STX8: variants seen among roughly 807,000 people sequenced by gnomAD.
STX8 encodes the protein syntaxin 8, also known as syntaxin-8.
In STX8, 23 loss-of-function variants were observed where a neutral mutation model predicts 37.5. The observed-to-expected ratio is 0.61, with a 90% CI of 0.44 to 0.87. The LOEUF (loss-of-function observed/expected upper bound fraction) is 0.87. Ranked by LOEUF, STX8 falls within the 40% of genes least tolerant of loss-of-function variation. The pLI is 0.00. For missense variants in STX8, 313 were observed against 284.7 expected (o/e 1.10, Z -0.71); for synonymous variants, 115 against 99.1 (o/e 1.16, Z -0.95).
At chr17:9,486,681 C>G (rs573100880) in intron 6 of STX8, among the ~76,000 whole-genome samples, 1 of 151,940 alleles carries the variant, frequency 6.6e-6, no homozygotes, top group South Asian at 2.1e-4. Flanking sequence ...GGCGACCGGA[C>G]CCCCATCTCT....
intron 7 of STX8, among the ~76,000 whole-genome samples, chr17:9,331,940 A>G (rs1036107271): frequency 2.0e-5 from 3 of 152,232 alleles, no homozygotes; most frequent in African/African-American, 7.2e-5. Flanking sequence ...ACGGATCTGT[A>G]GAATACATTA....
intron 4 of STX8, among the ~76,000 whole-genome samples, chr17:9,518,139 T>C (rs181890015): frequency 1.9e-3 from 292 of 152,208 alleles, no homozygotes; most frequent in African/African-American, 6.7e-3. Flanking sequence ...TCTCTCCTAT[T>C]TGCAGCCAAA....
intron 6 of STX8, among the ~76,000 whole-genome samples, chr17:9,424,706 T>C (rs1913562888): frequency 1.3e-5 from 2 of 152,152 alleles, no homozygotes; most frequent in East Asian, 1.9e-4. Context: ...CACTGGGGTA[T>C]GGTAGATACT....
chr17:9,496,073 CTCTTTTTTT>C (rs1567586160), intron 5 of STX8, among the ~76,000 whole-genome samples: 3 of 51,060 alleles, frequency 5.9e-5, no homozygotes, highest in Admixed American at 3.4e-4. Flanking sequence ...CTTTTTCTTT[CTCTTTTTTT>C]TTTTTTTTTT....
intron 7 of STX8, among the ~76,000 whole-genome samples, chr17:9,339,614 A>T (rs1597613464): frequency 1.3e-5 from 2 of 152,100 alleles, no homozygotes; most frequent in African/African-American, 4.8e-5. Flanking sequence ...AGATCGCGCC[A>T]CTGCGCCACT....
At position 9,254,292 on chromosome 17, in the gene STX8, G is replaced by A. The variant is rs111712142; in HGVS notation, c.644-3647C>T. Among the ~76,000 whole-genome samples the A allele has an allele frequency of 6.0e-3, 915 of 152,184 alleles. 4 individuals carry two copies. The highest frequency in any genetic ancestry group is 0.011 in the Admixed American group (164 of 15,288). ...CTTTCCATCCGGGAGCTCCCCACTCGTGGTCTAGTTAATCCCTCAAACTCA... is the reference window on the plus strand; with the variant it reads ...CTTTCCATCCGGGAGCTCCCCACTCATGGTCTAGTTAATCCCTCAAACTCA... On this transcript the variant is annotated intron_variant, in intron 7 of 7. Transcript: ENST00000306357.
In STX8 at chr17:9,545,150, C is replaced by G; in HGVS notation, c.323+22G>C. 3 of 1,549,152 alleles carry G rather than the reference C, an allele frequency of 1.9e-6. No individual in the cohort carries two copies. In the South Asian group the frequency reaches 3.4e-5, roughly 17 times the overall value. On this transcript the variant is annotated intron_variant, in intron 4 of 7. Coordinates refer to ENST00000306357, the MANE Select transcript of STX8 (RefSeq NM_004853.3). ...AGAAGTCTTCGCCCACCAAGTAATC[C>G]CTGTAAATAAAAACATCCTACCTGA...
intron 3 of STX8, among the ~76,000 whole-genome samples, chr17:9,546,261 G>A (rs1906502436): frequency 6.6e-6 from 1 of 152,172 alleles, no homozygotes; most frequent in African/African-American, 2.4e-5. Context: ...CAGAGGCAGA[G>A]TTGTAGCCCT....
intron 7 of STX8, among the ~76,000 whole-genome samples, chr17:9,365,120 T>A (rs1261587547): frequency 6.6e-6 from 1 of 151,962 alleles, no homozygotes; most frequent in East Asian, 1.9e-4. Flanking sequence ...GAAAGAGAGA[T>A]CCCAAAGTAG....
intron 6 of STX8, among the ~76,000 whole-genome samples, chr17:9,434,915 C>T (rs540771052): frequency 1.1e-4 from 17 of 152,322 alleles, no homozygotes; most frequent in South Asian, 2.1e-4. Flanking sequence ...CATGTTGCCA[C>T]GGCATTTGTA....
At chr17:9,272,482 C>T (rs929129326) in intron 7 of STX8, among the ~76,000 whole-genome samples, 1 of 152,196 alleles carries the variant, frequency 6.6e-6, no homozygotes, top group Non-Finnish European at 1.5e-5. Context: ...ATTTCTAGAG[C>T]ACCTGAAGAA....
chr17:9,448,076 G>A (rs1338018448), intron 6 of STX8, among the ~76,000 whole-genome samples: 1 of 151,382 alleles, frequency 6.6e-6, no homozygotes, highest in Admixed American at 6.6e-5. Flanking sequence ...TTGGAAGGCT[G>A]AGACAGGAGA....
intron 4 of STX8, among the ~76,000 whole-genome samples, chr17:9,538,901 T>C (rs972847249): frequency 1.3e-5 from 2 of 152,106 alleles, no homozygotes; most frequent in African/African-American, 4.8e-5. Flanking sequence ...ATTTAACTAA[T>C]TGTGAGATTT....
intron 6 of STX8, among the ~76,000 whole-genome samples, chr17:9,379,142 G>A (rs1172064856): frequency 6.6e-6 from 1 of 151,762 alleles, no homozygotes; most frequent in Non-Finnish European, 1.5e-5. Flanking sequence ...CTACTCGGGA[G>A]GCTGAGGTAG....
At chr17:9,278,734 C>G (rs1351513002) in intron 7 of STX8, among the ~76,000 whole-genome samples, 1 of 150,804 alleles carries the variant, frequency 6.6e-6, no homozygotes, top group Non-Finnish European at 1.5e-5. Context: ...GTTGAGAGCC[C>G]AAAGAAGAGA....
intron 1 of STX8, among the ~76,000 whole-genome samples, chr17:9,570,214 T>C (rs756318726): frequency 6.6e-4 from 100 of 152,214 alleles, no homozygotes; most frequent in Non-Finnish European, 1.1e-3. Context: ...TGTTTTTTTT[T>C]AAATGAAGGA....
At chr17:9,535,578 A>G (rs929419735) in intron 4 of STX8, among the ~76,000 whole-genome samples, 6 of 150,860 alleles carry the variant, frequency 4.0e-5, no homozygotes, top group Non-Finnish European at 7.4e-5. Context: ...GACTACAGGC[A>G]CCCGCCACCA....
chr17:9,349,243 C>T (rs1475530496), intron 7 of STX8, among the ~76,000 whole-genome samples: 2 of 151,560 alleles, frequency 1.3e-5, no homozygotes, highest in Non-Finnish European at 2.9e-5. Context: ...CTGCCTACCT[C>T]GGCCTGCTAA....
chr17:9,314,972 T>C (rs192229460), intron 7 of STX8, among the ~76,000 whole-genome samples: 1 of 151,044 alleles, frequency 6.6e-6, no homozygotes, highest in African/African-American at 2.4e-5. Context: ...CGTGGTGGCA[T>C]GCACCTGTAG....
Sources: allele counts gnomAD v4.1 joint callset (sites outside exome capture counted in the v4.1 genomes callset), GRCh38; gene constraint gnomAD v4.1.1; transcripts MANE v1.5; gene names NCBI Gene and HGNC (gene_info 2026-07-23, HGNC 2026-07-21).